Variants in NREP observed in about 807,000 individuals in gnomAD.
NREP encodes neuronal regeneration related protein, also known as neuronal regeneration-related protein.
In NREP, 5 loss-of-function variants were observed where a neutral mutation model predicts 8.6. The ratio of observed to expected loss-of-function variants is 0.58; its 90% CI spans 0.30 to 1.22. The LOEUF (loss-of-function observed/expected upper bound fraction) is 1.22, where lower values mean the gene tolerates loss of function less well. NREP is among the 50% of genes most tolerant of loss of function. The pLI is 0.07. For missense variants in NREP, 86 were observed against 82.5 expected, an observed-to-expected ratio of 1.04 and a Z score of -0.17; for synonymous variants, 27 against 28.0, an observed-to-expected ratio of 0.96 and a Z score of 0.11.
chr5:111,810,697 T>C (rs554106733), intron 2 of NREP, among the ~76,000 whole-genome samples: 107 of 152,326 alleles, frequency 7.0e-4, no homozygotes, highest in African/African-American at 2.5e-3. Flanking sequence ...GGAACCCAAA[T>C]TTTATAAGCT....
intron 2 of NREP, among the ~76,000 whole-genome samples, chr5:111,811,571 C>A (rs1000208831): frequency 6.6e-6 from 1 of 152,184 alleles, no homozygotes; most frequent in African/African-American, 2.4e-5. Context: ...GTCTCTGAAG[C>A]TGGGACATAT....
chr5:111,826,014 C>G (rs1441204754), intron 2 of NREP, among the ~76,000 whole-genome samples: 2 of 150,382 alleles, frequency 1.3e-5, no homozygotes, highest in East Asian at 1.9e-4. Context: ...AATGCAGTGG[C>G]ACAGTCTCAG....
intron 2 of NREP, among the ~76,000 whole-genome samples, chr5:111,859,220 T>A (rs1226330524): frequency 3.9e-5 from 6 of 151,966 alleles, no homozygotes; most frequent in Non-Finnish European, 5.9e-5. Context: ...TAGGAAGGAG[T>A]CATTCTGAAC....
chr5:111,949,275 T>G (rs536960591), intron 2 of NREP, among the ~76,000 whole-genome samples: 1 of 152,044 alleles, frequency 6.6e-6, no homozygotes, highest in East Asian at 1.9e-4. Flanking sequence ...GACAAAGAGT[T>G]GAGGTGATTG....
intron 2 of NREP, among the ~76,000 whole-genome samples, chr5:111,888,380 G>T (rs1391798737): frequency 6.6e-6 from 1 of 152,086 alleles, no homozygotes; most frequent in Non-Finnish European, 1.5e-5. Flanking sequence ...ATGGTGGGAG[G>T]CAAAGGAGAA....
intron 2 of NREP, among the ~76,000 whole-genome samples, chr5:111,794,025 G>A (rs929182727): frequency 2.0e-5 from 3 of 152,146 alleles, no homozygotes; most frequent in African/African-American, 7.2e-5. Context: ...CTTAGTCTGG[G>A]CAACACAGCA....
chr5:111,777,442 C>A (rs1379479754), intron 2 of NREP, among the ~76,000 whole-genome samples: 1 of 151,914 alleles, frequency 6.6e-6, no homozygotes, highest in East Asian at 1.9e-4. Context: ...CCGGGTAGCT[C>A]ACTTTTCAGT....
intron 2 of NREP, among the ~76,000 whole-genome samples, chr5:111,896,915 C>T (rs968620894): frequency 6.6e-6 from 1 of 152,118 alleles, no homozygotes; most frequent in African/African-American, 2.4e-5. Flanking sequence ...TCCCAGACAG[C>T]TCAGGAACCC....
intron 2 of NREP, among the ~76,000 whole-genome samples, chr5:111,783,857 G>C (rs9326843): frequency 6.6e-6 from 1 of 151,892 alleles, no homozygotes; most frequent in Non-Finnish European, 1.5e-5. Flanking sequence ...TGAATAATGA[G>C]TGTTAAATGA....
intron 2 of NREP, among the ~76,000 whole-genome samples, chr5:111,751,074 G>A (rs1331099408): frequency 6.6e-6 from 1 of 152,054 alleles, no homozygotes; most frequent in Non-Finnish European, 1.5e-5. Context: ...CATTAAGAAT[G>A]AATTAAAAAA....
chr5:111,785,226 T>A (rs962940649), intron 2 of NREP, among the ~76,000 whole-genome samples: 18 of 152,204 alleles, frequency 1.2e-4, no homozygotes, highest in Non-Finnish European at 2.1e-4. Context: ...GAAGCATGGC[T>A]TTGTTAAACG....
At chr5:111,779,697 GTA>G (rs1216139073) in intron 2 of NREP, among the ~76,000 whole-genome samples, 1 of 152,166 alleles carries the variant, frequency 6.6e-6, no homozygotes, top group Non-Finnish European at 1.5e-5. Context: ...TATTCAGAGA[GTA>G]TATCTTTCAT....
intron 2 of NREP, among the ~76,000 whole-genome samples, chr5:111,910,320 C>T (rs905658362): frequency 1.3e-5 from 2 of 151,952 alleles, no homozygotes; most frequent in East Asian, 1.9e-4. Context: ...TTATTGCTTA[C>T]CTCCCTATAA....
intron 2 of NREP, among the ~76,000 whole-genome samples, chr5:111,830,089 A>T (rs1325617740): frequency 6.6e-6 from 1 of 152,194 alleles, no homozygotes; most frequent in Non-Finnish European, 1.5e-5. Flanking sequence ...GTGGCCCAGG[A>T]TGGCTTTAAA....
intron 2 of NREP, among the ~76,000 whole-genome samples, chr5:111,972,390 A>G (rs1000538716): frequency 8.5e-5 from 13 of 152,148 alleles, no homozygotes; most frequent in African/African-American, 2.9e-4. Flanking sequence ...ACGTCTGTGG[A>G]TATTTGTTTT....
At chr5:111,750,838 C>T (rs977425235) in intron 2 of NREP, among the ~76,000 whole-genome samples, 3 of 152,272 alleles carry the variant, frequency 2.0e-5, no homozygotes, top group Admixed American at 6.5e-5. Flanking sequence ...ACCACACTGC[C>T]GGAGTGTGGC....
At chr5:111,818,919 C>A (rs1752452528) in intron 2 of NREP, among the ~76,000 whole-genome samples, 1 of 152,136 alleles carries the variant, frequency 6.6e-6, no homozygotes, top group Non-Finnish European at 1.5e-5. Context: ...TTTAAACCTA[C>A]AATGCATAAA....
chr5:111,910,620 T>G (rs1415729337), intron 2 of NREP, among the ~76,000 whole-genome samples: 2 of 151,862 alleles, frequency 1.3e-5, no homozygotes, highest in Non-Finnish European at 2.9e-5. Flanking sequence ...CGAGTATGGG[T>G]TTAGGCATGA....
chr5:111,831,500 C>A (rs998594320), intron 2 of NREP, among the ~76,000 whole-genome samples: 4 of 152,166 alleles, frequency 2.6e-5, no homozygotes, highest in Admixed American at 2.0e-4. Context: ...TTTCGCTCTT[C>A]TCATCATCCA....
Sources: allele counts gnomAD v4.1 joint callset (sites outside exome capture counted in the v4.1 genomes callset), GRCh38; gene constraint gnomAD v4.1.1; transcripts MANE v1.5; gene names NCBI Gene and HGNC (gene_info 2026-07-23, HGNC 2026-07-21).